ESRRB: variants seen among roughly 807,000 people sequenced by gnomAD.
The protein encoded by ESRRB is steroid hormone receptor ERR2.
ESRRB carries 16 observed loss-of-function variants against 46.0 expected under a neutral mutation model. The ratio of observed to expected loss-of-function variants is 0.35; its 90% CI spans 0.24 to 0.53. ESRRB has a LOEUF of 0.53. Among genes scored for constraint, ESRRB ranks in the 20% least tolerant of loss-of-function variants. The pLI is 0.93. For missense variants in ESRRB, 488 were observed against 607.4 expected, an observed-to-expected ratio of 0.80 and a Z score of 2.07; for synonymous variants, 246 against 259.6, an observed-to-expected ratio of 0.95 and a Z score of 0.50.
intron 1 of ESRRB, among the ~76,000 whole-genome samples, chr14:76,365,187 G>A (rs34486942): frequency 0.16 from 23,694 of 152,136 alleles, 2,085 homozygotes; most frequent in Middle Eastern, 0.22. Flanking sequence ...TAGAATCACT[G>A]TGCTAAGGCT....
intron 5 of ESRRB, among the ~76,000 whole-genome samples, chr14:76,487,231 T>G (rs1890054596): frequency 6.6e-6 from 1 of 152,192 alleles, no homozygotes; most frequent in African/African-American, 2.4e-5. Context: ...GTGTTCCACA[T>G]GTCAGCTCAT....
chr14:76,455,040 A>AGTTTGAG (rs1555399336), intron 2 of ESRRB, among the ~76,000 whole-genome samples: 1 of 101,766 alleles, frequency 9.8e-6, no homozygotes, highest in Non-Finnish European at 2.3e-5. Context: ...AACATGGTGA[A>AGTTTGAG]ACCCCGTCTC....
intron 3 of ESRRB, among the ~76,000 whole-genome samples, chr14:76,477,590 A>ATGGCC (rs149900806): frequency 0.01 from 1,567 of 152,280 alleles, 15 homozygotes; most frequent in Non-Finnish European, 0.016. Flanking sequence ...AGGGACAGAG[A>ATGGCC]TGGGCATGGG....
At chr14:76,407,614 G>A (rs867482582) in intron 1 of ESRRB, 13 of 985,106 alleles carry the variant, frequency 1.3e-5, no homozygotes, top group Middle Eastern at 5.2e-4. Context: ...GGGTCCAGTC[G>A]GGCCAGCAGG....
At chr14:76,394,147 G>A (rs1266837491) in intron 1 of ESRRB, among the ~76,000 whole-genome samples, 1 of 152,016 alleles carries the variant, frequency 6.6e-6, no homozygotes, top group African/African-American at 2.4e-5. Context: ...TCCTGGCCAT[G>A]TGGATGAGAT....
At chr14:76,445,466 C>CAAAAAAAAAAAA (rs747627410) in intron 2 of ESRRB, among the ~76,000 whole-genome samples, 1 of 79,782 alleles carries the variant, frequency 1.3e-5, no homozygotes, top group Non-Finnish European at 2.8e-5. Flanking sequence ...AACTCCGTCT[C>CAAAAAAAAAAAA]AAAAAAAAAA....
intron 3 of ESRRB, among the ~76,000 whole-genome samples, chr14:76,478,009 G>C (rs1020006033): frequency 2.6e-5 from 4 of 152,184 alleles, no homozygotes; most frequent in Admixed American, 6.5e-5. Context: ...AATACATACA[G>C]AGAGTCCTTT....
chr14:76,405,432 G>A (rs1886141365), intron 1 of ESRRB, among the ~76,000 whole-genome samples: 1 of 152,134 alleles, frequency 6.6e-6, no homozygotes, highest in Admixed American at 6.6e-5. Context: ...ACTGAAGAAG[G>A]CCTGGAACCT....
intron 1 of ESRRB, among the ~76,000 whole-genome samples, chr14:76,341,675 C>T (rs1884193191): frequency 6.6e-6 from 1 of 152,232 alleles, no homozygotes; most frequent in African/African-American, 2.4e-5. Context: ...AGTTGGATAG[C>T]TCAATCCCTG....
At chr14:76,315,965 A>G (rs1032788799) in intron 1 of ESRRB, among the ~76,000 whole-genome samples, 1 of 152,190 alleles carries the variant, frequency 6.6e-6, no homozygotes, top group Non-Finnish European at 1.5e-5. Flanking sequence ...CCTGGCTCAC[A>G]TTCCAGTGAG....
intron 1 of ESRRB, among the ~76,000 whole-genome samples, chr14:76,357,934 A>C (rs1884402815): frequency 6.6e-6 from 1 of 152,214 alleles, no homozygotes. Flanking sequence ...GCAACACTGA[A>C]ATAATTTTGG....
rs2140070317 is a variant in ESRRB at position 76,501,463 on chromosome 14, C to T, written c.*3005C>T. ...CCTTAGAGGAGCTGGAACCTGCACC[C>T]ACCTGTGTCGGTGGGGGGGGCCTCC... On this transcript the variant is annotated 3_prime_UTR_variant, in exon 7 of 7. Transcript: ENST00000644823. 1 of 151,596 alleles carries T rather than the reference C, an allele frequency of 6.6e-6. No individual in the cohort carries two copies. Among genetic ancestry groups the T allele is most frequent in the African/African-American group, 2.4e-5 (1 of 40,876 alleles). The allele number at this position is 151,596 out of a possible 1,614,324, so 9.4% of individuals were successfully genotyped here. A position where few individuals can be genotyped will look rare whatever the true frequency, so the allele number is the denominator to read the frequency against.
chr14:76,442,201 C>T (rs890035026), intron 2 of ESRRB, among the ~76,000 whole-genome samples: 24 of 152,252 alleles, frequency 1.6e-4, no homozygotes, highest in Admixed American at 1.5e-3. Flanking sequence ...ATCAGCTGGG[C>T]GTGGTGGCTC....
chr14:76,311,977 A>G (rs1385739449), intron 1 of ESRRB, among the ~76,000 whole-genome samples: 1 of 135,900 alleles, frequency 7.4e-6, no homozygotes, highest in Non-Finnish European at 1.6e-5. Flanking sequence ...ACATTTTGAA[A>G]AAAAAAAAAA....
At chr14:76,433,622 CT>C (rs1296791107) in intron 1 of ESRRB, among the ~76,000 whole-genome samples, 1 of 152,206 alleles carries the variant, frequency 6.6e-6, no homozygotes, top group South Asian at 2.1e-4. Flanking sequence ...GAAGGCACCC[CT>C]GCTCCGCCCA....
chr14:76,439,115 T>C (rs1731174610), intron 1 of ESRRB, among the ~76,000 whole-genome samples: 1 of 152,202 alleles, frequency 6.6e-6, no homozygotes, highest in African/African-American at 2.4e-5. Flanking sequence ...CTGAAGTTTA[T>C]TGATCAAAAT....
chr14:76,392,674 A>G (rs1264597519), intron 1 of ESRRB, among the ~76,000 whole-genome samples: 1 of 152,216 alleles, frequency 6.6e-6, no homozygotes, highest in African/African-American at 2.4e-5. Flanking sequence ...CCCTGGGCTC[A>G]GGAAAGGGGA....
intron 3 of ESRRB, among the ~76,000 whole-genome samples, chr14:76,465,901 A>G (rs1595146314): frequency 6.6e-6 from 1 of 152,310 alleles, no homozygotes; most frequent in Non-Finnish European, 1.5e-5. Context: ...GGCCTTGGAG[A>G]GATCCTGGGA....
intron 2 of ESRRB, among the ~76,000 whole-genome samples, chr14:76,461,103 A>G (rs1888839436): frequency 6.6e-6 from 1 of 152,022 alleles, no homozygotes; most frequent in Admixed American, 6.6e-5. Context: ...GTATTCGTTA[A>G]TAAGAGTCAG....
Sources: gnomAD v4.1 joint callset for allele counts (sites outside exome capture counted in the v4.1 genomes callset) on GRCh38, gnomAD v4.1.1 for gene constraint, MANE v1.5 for transcripts, NCBI Gene and HGNC (gene_info 2026-07-23, HGNC 2026-07-21) for gene names.